The following COL4A1 variants were observed in gnomAD, a reference collection of about 807,000 sequenced individuals.
The protein encoded by COL4A1 is collagen type IV alpha 1 chain.
Under a neutral mutation model 216.6 loss-of-function variants are expected in COL4A1, and 40 were observed. The ratio of observed to expected loss-of-function variants is 0.18; its 90% CI spans 0.14 to 0.24. The LOEUF is 0.24. Among genes scored for constraint, COL4A1 ranks in the 10% least tolerant of loss-of-function variants. The pLI, the probability that COL4A1 is intolerant of heterozygous loss-of-function variation, is 1.00. For missense variants in COL4A1, 1,628 were observed against 2,196.8 expected (o/e 0.74, Z 5.18); for synonymous variants, 839 against 810.7 (o/e 1.03, Z -0.59).
At chr13:110,305,564 A>G (rs1271768722) in intron 1 of COL4A1, among the ~76,000 whole-genome samples, 1 of 152,224 alleles carries the variant, frequency 6.6e-6, no homozygotes, top group Non-Finnish European at 1.5e-5. Context: ...CTTTTGGTCA[A>G]TATTTCTAGA....
rs1263232850 is a variant in COL4A1, at chr13:110,178,070, A to G, written c.2620T>C (p.Phe874Leu). The change falls in exon 32 of 52, where the codon TTT becomes CTT. Residue 874 changes from phenylalanine (F) to leucine (L), a missense_variant. Physicochemically the swap from Phe to Leu is conservative, Grantham distance 22. Coordinates refer to ENST00000375820, the MANE Select transcript of COL4A1 (RefSeq NM_001845.6). ...AAGTTCAAAAATCACTTACCTGGAA[A>G]CCCAGGAATCCCAGGAGCCCCCTGC... ...GQQGAPGIPG[F>L]PGSKGEMGVM... 1.9e-6 allele frequency: 3 copies of G among 1,614,150 alleles called. No homozygotes were observed. Among genetic ancestry groups the G allele is most frequent in the South Asian group, 2.2e-5 (2 of 91,082 alleles).
chr13:110,177,539 G>A (rs1281862283), intron 33 of COL4A1, among the ~76,000 whole-genome samples: 1 of 152,104 alleles, frequency 6.6e-6, no homozygotes, highest in Non-Finnish European at 1.5e-5. Flanking sequence ...CTAAGGACTC[G>A]GTCCCTGTAT....
intron 1 of COL4A1, among the ~76,000 whole-genome samples, chr13:110,247,790 CGTGTGTGTGTGT>C (rs56086913): frequency 5.0e-4 from 29 of 57,768 alleles, no homozygotes; most frequent in African/African-American, 1.5e-3. Context: ...CTATGCTACT[CGTGTGTGTGTGT>C]GTGTGTGTGT....
Position 110,306,926 on chromosome 13 carries a change from A to G in COL4A1, c.84+18T>C, listed in dbSNP as rs1248094486. ...GCTCGGGGCGGGACGCCGGGAGCGG[A>G]GCTGGCCGGGAACTCACCTTCGCAG... On this transcript the variant is annotated intron_variant, in intron 1 of 51. Coordinates refer to ENST00000375820, the MANE Select transcript of COL4A1 (RefSeq NM_001845.6). The G allele has an allele frequency of 6.9e-7, 1 of 1,459,512 alleles. No homozygotes were observed. The highest frequency in any genetic ancestry group is 9.0e-7 in the Non-Finnish European group (1 of 1,108,910). 90.4% of individuals were successfully genotyped at this position (1,459,512 alleles called of 1,614,324 possible).
At chr13:110,162,191 C>T in intron 48 of COL4A1, 39 bp downstream of exon 48, 2 of 1,577,382 alleles carry the variant, frequency 1.3e-6, no homozygotes, top group East Asian at 4.5e-5. Context: ...ACTCAACACA[C>T]CTACACTGAA....
chr13:110,158,739 C>CTTTTTT lies in COL4A1; in HGVS notation c.4640+2447_4640+2452dup, dbSNP rs556230875. Among the ~76,000 whole-genome samples, 298 of 105,810 alleles carry CTTTTTT rather than the reference C, an allele frequency of 2.8e-3. 4 individuals are homozygous for CTTTTTT. Among genetic ancestry groups the CTTTTTT allele is most frequent in the African/African-American group, 9.8e-3 (271 of 27,552 alleles). 69.4% of individuals were successfully genotyped at this position (105,810 alleles called of 152,430 possible). A position where few individuals can be genotyped will look rare whatever the true frequency, so the allele number is the denominator to read the frequency against. ...TTTCTGAATATTTCTAAGAAATAAA[C>CTTTTTT]TTTTTTTTTTTTTTTTTTTTGAGAC... On this transcript the variant is annotated intron_variant, in intron 49 of 51. Coordinates refer to ENST00000375820, the MANE Select transcript of COL4A1 (RefSeq NM_001845.6).
intron 1 of COL4A1, among the ~76,000 whole-genome samples, chr13:110,252,540 G>GTATAATTATACGTA (rs1566415979): frequency 0.012 from 98 of 8,386 alleles, 24 homozygotes; most frequent in South Asian, 0.07. Flanking sequence ...ACGTATATAT[G>GTATAATTATACGTA]TATTATATAT....
intron 1 of COL4A1, among the ~76,000 whole-genome samples, chr13:110,293,947 T>A (rs773037200): frequency 6.6e-6 from 1 of 152,220 alleles, no homozygotes; most frequent in South Asian, 2.1e-4. Flanking sequence ...GATTCATTTA[T>A]CCCTAACTCA....
intron 1 of COL4A1, among the ~76,000 whole-genome samples, chr13:110,300,026 T>C (rs1884430116): frequency 6.6e-6 from 1 of 152,216 alleles, no homozygotes. Flanking sequence ...GATCTGAAAA[T>C]AAATTTTGAT....
chr13:110,242,723 A>G lies in COL4A1; in HGVS notation c.96T>C (p.Ala32=). The change falls in exon 2 of 52, where the codon GCT becomes GCC. Residue 32 remains alanine (A), a synonymous_variant. Transcript: ENST00000375820. ...HSRAAAKGGC[A]GSGCGKCDCH... ...AGTCACATTTGCCACAGCCAGAGCCAGCACAGCCACCCTGGAAGGAAAAGA... is the reference window on the plus strand; with the variant it reads ...AGTCACATTTGCCACAGCCAGAGCCGGCACAGCCACCCTGGAAGGAAAAGA... The G allele has an allele frequency of 6.2e-7, 1 of 1,614,256 alleles. No individual in the cohort carries two copies. Among genetic ancestry groups the G allele is most frequent in the Non-Finnish European group, 8.5e-7 (1 of 1,180,042 alleles).
chr13:110,297,902 C>T (rs1394008835), intron 1 of COL4A1, among the ~76,000 whole-genome samples: 1 of 151,506 alleles, frequency 6.6e-6, no homozygotes, highest in African/African-American at 2.4e-5. Flanking sequence ...AATTCTTACT[C>T]TTGTTTTACT....
chr13:110,233,685 G>A (rs74126125), intron 2 of COL4A1, among the ~76,000 whole-genome samples: 511 of 152,100 alleles, frequency 3.4e-3, no homozygotes, highest in African/African-American at 0.012. Context: ...AAGGGGTAAT[G>A]ATTCCGGAAA....
intron 22 of COL4A1, among the ~76,000 whole-genome samples, 174 bp from the exon 23 acceptor site, chr13:110,193,087 G>A (rs1230252261): frequency 6.6e-6 from 1 of 152,232 alleles, no homozygotes; most frequent in Non-Finnish European, 1.5e-5. Context: ...GGAAACTGCA[G>A]TCAAACGCAC....
At chr13:110,198,301 G>T (rs746067355) in intron 21 of COL4A1, among the ~76,000 whole-genome samples, 166 bp downstream of exon 21, 1 of 152,136 alleles carries the variant, frequency 6.6e-6, no homozygotes. Flanking sequence ...TTGTAGCATG[G>T]TTCATTCTCT....
chr13:110,201,221 A>G (rs2139190729), intron 19 of COL4A1, among the ~76,000 whole-genome samples: 1 of 128,906 alleles, frequency 7.8e-6, no homozygotes, highest in Admixed American at 8.1e-5. Context: ...AGAAATAGAA[A>G]GCGTGGGGAG....
Position 110,161,305 on chromosome 13 carries a change from G to C in COL4A1, c.4527C>G (p.Asn1509Lys), listed in dbSNP as rs577664265. The change falls in exon 49 of 52, where the codon AAC (asparagine) becomes AAG (lysine). Residue 1509 changes from asparagine to lysine, a missense_variant. Transcript: ENST00000375820. ...TMPFLFCNIN[N>K]VCNFASRNDY... Reference sequence around the variant, plus strand: ...CATTTCGTGATGCAAAGTTGCACACGTTGTTAATATTGCAGAACAGGAAGG... The same window carrying C: ...CATTTCGTGATGCAAAGTTGCACACCTTGTTAATATTGCAGAACAGGAAGG... The C allele has an allele frequency of 6.2e-7, 1 of 1,614,200 alleles. No homozygotes were observed. The highest frequency in any genetic ancestry group is 1.7e-5 in the Admixed American group (1 of 60,022).
At chr13:110,259,002 G>C (rs1023527498) in intron 1 of COL4A1, among the ~76,000 whole-genome samples, 2 of 152,214 alleles carry the variant, frequency 1.3e-5, no homozygotes, top group Non-Finnish European at 2.9e-5. Context: ...AGCAACCTAT[G>C]GGATCCTTTG....
At chr13:110,282,984 C>T (rs1006159878) in intron 1 of COL4A1, among the ~76,000 whole-genome samples, 1 of 152,214 alleles carries the variant, frequency 6.6e-6, no homozygotes, top group Non-Finnish European at 1.5e-5. Context: ...CAGTCGCTTC[C>T]AGGTGCCCCT....
intron 1 of COL4A1, among the ~76,000 whole-genome samples, chr13:110,261,868 G>A (rs878984946): frequency 4.6e-5 from 7 of 152,304 alleles, no homozygotes; most frequent in African/African-American, 1.7e-4. Flanking sequence ...GAGCAGAGCC[G>A]GGACACCGGC....
Sources: allele counts gnomAD v4.1 joint callset (sites outside exome capture counted in the v4.1 genomes callset), GRCh38; gene constraint gnomAD v4.1.1; transcripts MANE v1.5; gene names NCBI Gene and HGNC (gene_info 2026-07-23, HGNC 2026-07-21).